The following KSR2 variants were observed in gnomAD, a reference collection of about 807,000 sequenced individuals.
KSR2 encodes kinase suppressor of ras 2.
KSR2 carries 25 observed loss-of-function variants against 107.8 expected under a neutral mutation model. That is an observed-to-expected ratio of 0.23 (90% CI 0.17 to 0.32). The LOEUF (loss-of-function observed/expected upper bound fraction) is 0.32. Among genes scored for constraint, KSR2 ranks in the 10% least tolerant of loss-of-function variants. The probability of loss-of-function intolerance (pLI) is 1.00; values close to 1 mark genes in which losing one functional copy is unlikely to be tolerated. For synonymous variants in KSR2, 480 were observed against 507.0 expected (o/e 0.95, Z 0.71); for missense variants, 887 against 1,268.9 (o/e 0.70, Z 4.57).
intron 4 of KSR2, among the ~76,000 whole-genome samples, chr12:117,730,499 C>T (rs1363084567): frequency 6.6e-6 from 1 of 151,544 alleles, no homozygotes; most frequent in African/African-American, 2.4e-5. Context: ...TCTCCCTCTC[C>T]CCCTTCCACG....
At chr12:117,830,646 T>C (rs1891927997) in intron 3 of KSR2, among the ~76,000 whole-genome samples, 1 of 152,168 alleles carries the variant, frequency 6.6e-6, no homozygotes, top group African/African-American at 2.4e-5. Flanking sequence ...ATTAAAAAGA[T>C]TTTCTCAGAA....
chr12:117,950,861 A>G (rs942862237), intron 1 of KSR2, among the ~76,000 whole-genome samples: 1 of 151,778 alleles, frequency 6.6e-6, no homozygotes, highest in Non-Finnish European at 1.5e-5. Flanking sequence ...GCTATTAGGT[A>G]AGTGTGAGAG....
At chr12:117,716,169 C>A (rs1280285982) in intron 4 of KSR2, among the ~76,000 whole-genome samples, 1 of 152,218 alleles carries the variant, frequency 6.6e-6, no homozygotes, top group Admixed American at 6.5e-5. Flanking sequence ...CTTCCATTAG[C>A]ATATGCCTTC....
intron 4 of KSR2, among the ~76,000 whole-genome samples, chr12:117,708,585 T>C (rs1886621181): frequency 6.6e-6 from 1 of 152,184 alleles, no homozygotes; most frequent in Non-Finnish European, 1.5e-5. Flanking sequence ...CCCCAGCTGA[T>C]GATAGTATTG....
intron 6 of KSR2, among the ~76,000 whole-genome samples, chr12:117,580,135 G>C (rs529687270): frequency 1.3e-5 from 2 of 152,292 alleles, no homozygotes; most frequent in East Asian, 3.9e-4. Context: ...TGAGAATTTC[G>C]AGGGAAAGGT....
chr12:117,913,062 G>A (rs1010695154), intron 1 of KSR2, among the ~76,000 whole-genome samples: 4 of 152,162 alleles, frequency 2.6e-5, no homozygotes, highest in Admixed American at 2.0e-4. Flanking sequence ...GCAGGAAGGT[G>A]GGGACAGGGA....
intron 5 of KSR2, among the ~76,000 whole-genome samples, chr12:117,616,160 C>CAAAA (rs386766773): frequency 1.4e-3 from 72 of 51,170 alleles, no homozygotes; most frequent in Admixed American, 4.4e-3. Context: ...GACCCTGTCT[C>CAAAA]GAAAAAAAAA....
chr12:117,524,310 C>T lies in KSR2; in HGVS notation c.2219+542G>A, dbSNP rs1169157048. Reference sequence around the variant, plus strand: ...CTTGGAATAGAGGGGGAACTAGACCCGATGTTTCTAATTCCCCATTTAGTA... The same window carrying T: ...CTTGGAATAGAGGGGGAACTAGACCTGATGTTTCTAATTCCCCATTTAGTA... On this transcript the variant is annotated intron_variant, in intron 14 of 19. Transcript: ENST00000339824. 5.3e-5 allele frequency among the ~76,000 whole-genome samples: 8 copies of T among 152,266 alleles called. No individual in the cohort carries two copies. The South Asian group carries it at 8.3e-4, about 16-fold the overall frequency.
chr12:117,807,064 C>T (rs1454096850), intron 3 of KSR2, among the ~76,000 whole-genome samples: 1 of 152,186 alleles, frequency 6.6e-6, no homozygotes, highest in Admixed American at 6.5e-5. Context: ...GCAGCTGTGA[C>T]ACTTCCTTTT....
intron 12 of KSR2, among the ~76,000 whole-genome samples, chr12:117,530,055 T>A (rs572692823): frequency 6.6e-6 from 1 of 152,064 alleles, no homozygotes; most frequent in African/African-American, 2.4e-5. Flanking sequence ...ACCAACAATG[T>A]CTATGGAGAG....
rs12299263 is a variant in KSR2, at chr12:117,907,529, C to G, written c.181-47098G>C. Among the ~76,000 whole-genome samples, 21,973 of 152,120 alleles carry G rather than the reference C, an allele frequency of 0.14. 1,723 individuals are homozygous for G. The highest frequency in any genetic ancestry group is 0.2 in the East Asian group (1,040 of 5,166). Reference sequence around the variant, plus strand: ...TCTACGGGGCTGGATTGACGTCAGCCACAGTGGAAACTGCTCTCCTGCCCT... The same window carrying G: ...TCTACGGGGCTGGATTGACGTCAGCGACAGTGGAAACTGCTCTCCTGCCCT... On this transcript the variant is annotated intron_variant, in intron 1 of 19. Coordinates refer to ENST00000339824, the MANE Select transcript of KSR2 (RefSeq NM_173598.6). The surrounding 1 kb of genome is among the most constrained non-coding windows in gnomAD (Gnocchi z 4.3).
chr12:117,710,099 A>G (rs1255413058), intron 4 of KSR2, among the ~76,000 whole-genome samples: 1 of 152,202 alleles, frequency 6.6e-6, no homozygotes, highest in Non-Finnish European at 1.5e-5. Context: ...AGAATGTTGG[A>G]ATATTGAATC....
chr12:117,860,511 C>T, intron 1 of KSR2, 80 bp from the exon 2 acceptor site: 2 of 1,385,278 alleles, frequency 1.4e-6, no homozygotes, highest in Non-Finnish European at 1.9e-6. Flanking sequence ...CCCCTACGAA[C>T]CCCCACCCTA....
At position 117,853,959 on chromosome 12, in the gene KSR2, A is replaced by C. The variant is rs78041495; in HGVS notation, c.472+1469T>G. On this transcript the variant is annotated intron_variant, in intron 3 of 19. Coordinates refer to ENST00000339824, the MANE Select transcript of KSR2 (RefSeq NM_173598.6). ...GCAGAGGTCAAGGATGCTTCTAACC[A>C]AACATCCTTCAACACATAAGACAGC... Among the ~76,000 whole-genome samples, 977 of 152,224 alleles carry C rather than the reference A, an allele frequency of 6.4e-3. 51 individuals carry two copies. In the East Asian group the frequency reaches 0.12, roughly 19 times the overall value.
chr12:117,527,950 A>AGTGTGTGT (rs10664320), intron 12 of KSR2, among the ~76,000 whole-genome samples: 399 of 142,710 alleles, frequency 2.8e-3, no homozygotes, highest in East Asian at 0.012. Flanking sequence ...GGAAGACACA[A>AGTGTGTGT]GTGTGTGTGT....
At chr12:117,512,474 T>C (rs1460901431) in intron 14 of KSR2, among the ~76,000 whole-genome samples, 1 of 152,156 alleles carries the variant, frequency 6.6e-6, no homozygotes, top group Non-Finnish European at 1.5e-5. Flanking sequence ...CTGTTAAACA[T>C]TGTTAAAGTG....
chr12:117,769,778 G>A (rs989470861), intron 3 of KSR2, among the ~76,000 whole-genome samples: 7 of 152,088 alleles, frequency 4.6e-5, no homozygotes, highest in African/African-American at 1.7e-4. Context: ...GTCCTGCCAG[G>A]TGCGGTGGCT....
intron 1 of KSR2, among the ~76,000 whole-genome samples, chr12:117,944,166 C>T (rs1182782431): frequency 2.0e-5 from 3 of 151,516 alleles, no homozygotes; most frequent in Non-Finnish European, 1.5e-5. Flanking sequence ...CACCTGAGGT[C>T]GGGAGTTTGA....
intron 14 of KSR2, among the ~76,000 whole-genome samples, chr12:117,519,929 G>A (rs1874637095): frequency 6.6e-6 from 1 of 152,146 alleles, no homozygotes; most frequent in South Asian, 2.1e-4. Flanking sequence ...TTAAACTGTG[G>A]CGTGAACAAA....
Sources: gnomAD v4.1 joint callset for allele counts (sites outside exome capture counted in the v4.1 genomes callset) on GRCh38, gnomAD v4.1.1 for gene constraint, Gnocchi (gnomAD v3.1) non-coding constraint, MANE v1.5 for transcripts, NCBI Gene and HGNC (gene_info 2026-07-23, HGNC 2026-07-21) for gene names.